MDGA2: variants seen among roughly 807,000 people sequenced by gnomAD.
The protein encoded by MDGA2 is MAM domain containing glycosylphosphatidylinositol anchor 2.
MDGA2 carries 40 observed loss-of-function variants against 117.8 expected under a neutral mutation model. The observed-to-expected ratio is 0.34, with a 90% CI of 0.26 to 0.44. MDGA2 has a LOEUF of 0.44. Among genes scored for constraint, MDGA2 ranks in the 20% least tolerant of loss-of-function variants. The pLI is 1.00. For missense variants in MDGA2, 1,123 were observed against 1,250.6 expected (o/e 0.90, Z 1.54); for synonymous variants, 452 against 439.0 (o/e 1.03, Z -0.37).
chr14:47,129,652 C>T (rs1201124680), intron 5 of MDGA2, among the ~76,000 whole-genome samples: 4 of 150,458 alleles, frequency 2.7e-5, no homozygotes, highest in South Asian at 2.1e-4. Context: ...TTCTAGATCC[C>T]GGAGGAATCG....
At chr14:47,536,963 T>C (rs868520029) in intron 1 of MDGA2, among the ~76,000 whole-genome samples, 1 of 152,164 alleles carries the variant, frequency 6.6e-6, no homozygotes, top group South Asian at 2.1e-4. Flanking sequence ...AGTAGACATC[T>C]TTCTGTCTGT....
intron 8 of MDGA2, among the ~76,000 whole-genome samples, chr14:46,968,721 C>A (rs1886136519): frequency 6.7e-6 from 1 of 149,738 alleles, no homozygotes; most frequent in Non-Finnish European, 1.5e-5. Flanking sequence ...CCTGTAGTCC[C>A]AGCTACTTGG....
intron 8 of MDGA2, among the ~76,000 whole-genome samples, chr14:46,974,772 A>C (rs1325805547): frequency 6.6e-6 from 1 of 152,144 alleles, no homozygotes; most frequent in Non-Finnish European, 1.5e-5. Flanking sequence ...CTTAGAAGAA[A>C]ACATGGGACA....
At chr14:47,486,355 T>C (rs1650772072) in intron 1 of MDGA2, among the ~76,000 whole-genome samples, 1 of 152,226 alleles carries the variant, frequency 6.6e-6, no homozygotes, top group Non-Finnish European at 1.5e-5. Context: ...ATTTACCCAA[T>C]GCCTGTACCT....
At chr14:47,449,826 A>G (rs1893203377) in intron 1 of MDGA2, among the ~76,000 whole-genome samples, 1 of 152,174 alleles carries the variant, frequency 6.6e-6, no homozygotes, top group African/African-American at 2.4e-5. Flanking sequence ...ATGCAAAAAC[A>G]AAAACAAAAA....
intron 14 of MDGA2, among the ~76,000 whole-genome samples, chr14:46,870,781 TA>T (rs1449798899): frequency 1.3e-5 from 2 of 151,920 alleles, no homozygotes; most frequent in Non-Finnish European, 1.5e-5. Context: ...CCATTGACAA[TA>T]AAGAAGATAA....
intron 3 of MDGA2, among the ~76,000 whole-genome samples, chr14:47,164,086 G>C (rs74854657): frequency 0.092 from 14,007 of 152,254 alleles, 768 homozygotes; most frequent in Admixed American, 0.17. Context: ...TAGTAGGTGA[G>C]TCAGTAAGTT....
intron 10 of MDGA2, among the ~76,000 whole-genome samples, chr14:46,900,869 T>C (rs1371609778): frequency 1.3e-5 from 2 of 152,124 alleles, no homozygotes. Flanking sequence ...ATTGTACCAA[T>C]GTCAGTTTCT....
intron 8 of MDGA2, among the ~76,000 whole-genome samples, chr14:46,973,809 G>T (rs2138343823): frequency 6.6e-6 from 1 of 152,076 alleles, no homozygotes; most frequent in African/African-American, 2.4e-5. Context: ...ATGTTAAATA[G>T]CTGTTATAAC....
intron 1 of MDGA2, among the ~76,000 whole-genome samples, chr14:47,312,505 A>G (rs982082082): frequency 5.3e-4 from 80 of 152,086 alleles, no homozygotes; most frequent in Admixed American, 5.9e-4. Flanking sequence ...TTAATAAAAT[A>G]AACAATATAG....
At chr14:46,847,565 C>A (rs1471318263) in intron 15 of MDGA2, among the ~76,000 whole-genome samples, 13 of 151,800 alleles carry the variant, frequency 8.6e-5, no homozygotes, top group Admixed American at 8.5e-4. Context: ...TTTAAAAAGT[C>A]TCAGAAGACT....
At chr14:47,629,057 T>C (rs1480649619) in intron 1 of MDGA2, among the ~76,000 whole-genome samples, 1 of 152,188 alleles carries the variant, frequency 6.6e-6, no homozygotes, top group Non-Finnish European at 1.5e-5. Context: ...TTGATTCTAA[T>C]AACCACACCT....
chr14:47,198,124 A>C (rs1467662291), intron 3 of MDGA2, among the ~76,000 whole-genome samples: 1 of 152,226 alleles, frequency 6.6e-6, no homozygotes, highest in Non-Finnish European at 1.5e-5. Flanking sequence ...GCATATGAGC[A>C]ATAAGTGTAT....
At chr14:47,495,870 C>T (rs1315626028) in intron 1 of MDGA2, among the ~76,000 whole-genome samples, 1 of 152,104 alleles carries the variant, frequency 6.6e-6, no homozygotes, top group African/African-American at 2.4e-5. Flanking sequence ...ATACCCATTT[C>T]ATTGTTCTTT....
At position 47,661,422 on chromosome 14, in the gene MDGA2, TTTAA is replaced by T. The variant is rs1447417750; in HGVS notation, c.280+13091_280+13094del. On this transcript the variant is annotated intron_variant, in intron 1 of 16. Coordinates refer to ENST00000399232, the MANE Select transcript of MDGA2 (RefSeq NM_001113498.3). ...TTATGAAAAATTACTATATCTCATCTTTAATTATTTTTCAATTATAGGTGAAAAA... is the reference window on the plus strand; with the variant it reads ...TTATGAAAAATTACTATATCTCATCTTTATTTTTCAATTATAGGTGAAAAA... Among the ~76,000 whole-genome samples the T allele has an allele frequency of 1.1e-4, 17 of 152,322 alleles. 1 individual carries two copies. The highest frequency in any genetic ancestry group is 2.9e-4 in the African/African-American group (12 of 41,578).
intron 9 of MDGA2, among the ~76,000 whole-genome samples, chr14:46,941,626 T>A (rs1467267529): frequency 6.6e-6 from 1 of 152,156 alleles, no homozygotes; most frequent in Non-Finnish European, 1.5e-5. Flanking sequence ...CAGATTGGTT[T>A]TATTACCATT....
At chr14:47,601,318 T>C (rs1240815356) in intron 1 of MDGA2, among the ~76,000 whole-genome samples, 1 of 152,106 alleles carries the variant, frequency 6.6e-6, no homozygotes, top group Non-Finnish European at 1.5e-5. Context: ...AAGGACTCCT[T>C]TGAGGTGACA....
intron 9 of MDGA2, among the ~76,000 whole-genome samples, chr14:46,922,093 G>A (rs947387754): frequency 6.6e-6 from 1 of 151,814 alleles, no homozygotes; most frequent in African/African-American, 2.4e-5. Context: ...TTTTAGCATG[G>A]ATAAAAAGGC....
intron 5 of MDGA2, among the ~76,000 whole-genome samples, chr14:47,116,531 C>T (rs958043932): frequency 6.6e-6 from 1 of 151,972 alleles, no homozygotes; most frequent in Admixed American, 6.6e-5. Context: ...CTATAGTAAT[C>T]AAAACAGTAG....
Sources: allele counts gnomAD v4.1 joint callset (sites outside exome capture counted in the v4.1 genomes callset), GRCh38; gene constraint gnomAD v4.1.1; transcripts MANE v1.5; gene names NCBI Gene and HGNC (gene_info 2026-07-23, HGNC 2026-07-21).